Variants in DACH1 observed in about 807,000 individuals in gnomAD.
The protein encoded by DACH1 is dachshund homolog 1.
DACH1 carries 12 observed loss-of-function variants against 54.2 expected under a neutral mutation model. The observed-to-expected ratio is 0.22, with a 90% confidence interval of 0.14 to 0.36. The LOEUF is 0.36. Among genes scored for constraint, DACH1 ranks in the 10% least tolerant of loss-of-function variants. The pLI is 1.00. For synonymous variants in DACH1, 386 were observed against 366.2 expected, an observed-to-expected ratio of 1.05 and a Z score of -0.62; for missense variants, 805 against 929.8, an observed-to-expected ratio of 0.87 and a Z score of 1.75.
At chr13:71,484,688 G>T (rs1878330481) in intron 7 of DACH1, among the ~76,000 whole-genome samples, 1 of 152,030 alleles carries the variant, frequency 6.6e-6, no homozygotes, top group Non-Finnish European at 1.5e-5. Context: ...ATGTTTGTAA[G>T]CCACTTTTTA....
intron 1 of DACH1, among the ~76,000 whole-genome samples, chr13:71,781,311 T>G (rs1029632224): frequency 1.3e-5 from 2 of 152,080 alleles, no homozygotes; most frequent in Admixed American, 1.3e-4. Context: ...TAGAGAACTG[T>G]TGCCATGCCA....
intron 6 of DACH1, among the ~76,000 whole-genome samples, chr13:71,534,051 A>AAAAC (rs1566321974): frequency 1.3e-5 from 2 of 152,006 alleles, no homozygotes; most frequent in African/African-American, 4.8e-5. Flanking sequence ...ACAAAATGAA[A>AAAAC]TTTTGACTTC....
At chr13:71,591,830 G>C (rs1459113496) in intron 3 of DACH1, among the ~76,000 whole-genome samples, 1 of 151,348 alleles carries the variant, frequency 6.6e-6, no homozygotes, top group African/African-American at 2.5e-5. Flanking sequence ...TACTGCCCTA[G>C]TATGACTTCA....
intron 4 of DACH1, among the ~76,000 whole-genome samples, chr13:71,572,130 T>C (rs1885251246): frequency 6.6e-6 from 1 of 152,196 alleles, no homozygotes; most frequent in African/African-American, 2.4e-5. Flanking sequence ...CTATTCTTAA[T>C]TTTTTGTTAT....
Position 71,439,954 on chromosome 13 carries a change from T to G in DACH1, c.*701A>C, listed in dbSNP as rs564952808. 1 of 152,358 alleles carries G rather than the reference T, an allele frequency of 6.6e-6. No individual in the cohort carries two copies. The highest frequency in any genetic ancestry group is 6.6e-5 in the Admixed American group (1 of 15,256). The allele number at this position is 152,358 out of a possible 1,614,324, so 9.4% of individuals were successfully genotyped here. ...CATGTTACACTTATATATTTTTTTT[T>G]ATTTTTAAGAAAAAAAAACCTTCAG... On this transcript the variant is annotated 3_prime_UTR_variant, in exon 11 of 11. Transcript: ENST00000613252.
intron 1 of DACH1, among the ~76,000 whole-genome samples, chr13:71,802,166 CCTGT>C (rs1887314077): frequency 6.6e-6 from 1 of 151,496 alleles, no homozygotes; most frequent in African/African-American, 2.4e-5. Flanking sequence ...CTTTTTTTTT[CCTGT>C]CTGATTAAAG....
At chr13:71,723,506 C>T (rs544828033) in intron 1 of DACH1, among the ~76,000 whole-genome samples, 5 of 151,966 alleles carry the variant, frequency 3.3e-5, no homozygotes, top group Non-Finnish European at 7.4e-5. Context: ...AACTTCAGAC[C>T]GCACAAATAA....
At chr13:71,706,592 C>T (rs976684009) in intron 1 of DACH1, among the ~76,000 whole-genome samples, 9 of 152,196 alleles carry the variant, frequency 5.9e-5, no homozygotes, top group East Asian at 3.9e-4. Context: ...GATTTCTTCA[C>T]GAATATGAAC....
At chr13:71,775,769 A>T (rs1886038562) in intron 1 of DACH1, among the ~76,000 whole-genome samples, 1 of 152,158 alleles carries the variant, frequency 6.6e-6, no homozygotes, top group African/African-American at 2.4e-5. Context: ...ATTGCCAGTA[A>T]ACATAACTGA....
chr13:71,815,200 CAT>C (rs1261649694), intron 1 of DACH1, among the ~76,000 whole-genome samples: 4 of 152,098 alleles, frequency 2.6e-5, no homozygotes, highest in African/African-American at 9.7e-5. Flanking sequence ...CTTTGTATAA[CAT>C]GTGCAACCTT....
intron 1 of DACH1, among the ~76,000 whole-genome samples, chr13:71,757,310 G>A (rs1043121530): frequency 3.9e-5 from 6 of 151,974 alleles, no homozygotes; most frequent in African/African-American, 1.5e-4. Flanking sequence ...AGCAATATAA[G>A]GAAATAACTT....
At chr13:71,664,645 G>T (rs1011109795) in intron 2 of DACH1, among the ~76,000 whole-genome samples, 2 of 151,894 alleles carry the variant, frequency 1.3e-5, no homozygotes, top group African/African-American at 2.4e-5. Flanking sequence ...TTCAAAAATG[G>T]AAAGAAATAG....
intron 3 of DACH1, among the ~76,000 whole-genome samples, chr13:71,628,313 A>G (rs1876818735): frequency 1.3e-5 from 2 of 152,070 alleles, no homozygotes; most frequent in African/African-American, 4.8e-5. Context: ...ATCTCTAGAT[A>G]TATACCTGGG....
At chr13:71,598,828 G>A (rs1256905345) in intron 3 of DACH1, among the ~76,000 whole-genome samples, 1 of 152,168 alleles carries the variant, frequency 6.6e-6, no homozygotes. Context: ...CGGCGATGGT[G>A]AAAATTATGT....
chr13:71,795,561 G>A (rs1039939034), intron 1 of DACH1, among the ~76,000 whole-genome samples: 14 of 152,038 alleles, frequency 9.2e-5, no homozygotes, highest in Admixed American at 2.6e-4. Context: ...TCCAAATGAG[G>A]GAAAGAAAAC....
chr13:71,596,729 G>A lies in DACH1; in HGVS notation c.1127-23717C>T, dbSNP rs1874122416. Among the ~76,000 whole-genome samples the A allele has an allele frequency of 2.0e-5, 3 of 152,150 alleles. No homozygotes were observed. The South Asian group carries it at 6.2e-4, about 32-fold the overall frequency. ...AGGTGAAGAGTGTACTCATGCAAGT[G>A]TGGAAGGTCTCCACAGAAAACAGAA... is the stretch of plus-strand genomic sequence containing the variant. On this transcript the variant is annotated intron_variant, in intron 3 of 10. Coordinates refer to ENST00000613252, the MANE Select transcript of DACH1 (RefSeq NM_080759.6).
At chr13:71,491,857 C>T (rs981750036) in intron 6 of DACH1, among the ~76,000 whole-genome samples, 1 of 152,066 alleles carries the variant, frequency 6.6e-6, no homozygotes, top group Non-Finnish European at 1.5e-5. Flanking sequence ...CCTAAATGTT[C>T]TAAGAAGATT....
At chr13:71,818,020 C>A (rs1160492543) in intron 1 of DACH1, among the ~76,000 whole-genome samples, 1 of 151,802 alleles carries the variant, frequency 6.6e-6, no homozygotes. Context: ...ACCATGCTGG[C>A]CAGACTGGTC....
rs140784662 is a variant in DACH1, at chr13:71,791,255, C to T, written c.848+74667G>A. Among the ~76,000 whole-genome samples the T allele has an allele frequency of 1.5e-4, 23 of 152,192 alleles. No individual in the cohort carries two copies. In the East Asian group the frequency reaches 3.3e-3, roughly 22 times the overall value. On this transcript the variant is annotated intron_variant, in intron 1 of 10. Coordinates refer to ENST00000613252, the MANE Select transcript of DACH1 (RefSeq NM_080759.6). ...AATATAACCCATTTGCTCTTTCGGACGTCAAACAATGATTTACACTAAATG... is the reference window on the plus strand; with the variant it reads ...AATATAACCCATTTGCTCTTTCGGATGTCAAACAATGATTTACACTAAATG...
Sources: allele counts gnomAD v4.1 joint callset (sites outside exome capture counted in the v4.1 genomes callset), GRCh38; gene constraint gnomAD v4.1.1; transcripts MANE v1.5; gene names NCBI Gene and HGNC (gene_info 2026-07-23, HGNC 2026-07-21).